Variants in CNTLN observed in about 807,000 individuals in gnomAD.
The protein encoded by CNTLN is centlein, centrosomal protein.
Under a neutral mutation model 180.0 loss-of-function variants are expected in CNTLN, and 212 were observed. That is an observed-to-expected ratio of 1.18 (90% CI 1.05 to 1.32). The LOEUF (loss-of-function observed/expected upper bound fraction) is 1.32. Among genes scored for constraint, CNTLN ranks in the 40% most tolerant of loss-of-function variants. The pLI is 0.00. For synonymous variants in CNTLN, 722 were observed against 563.1 expected (o/e 1.28, Z -3.99); for missense variants, 2,095 against 1,610.9 (o/e 1.30, Z -5.14).
At chr9:17,214,995 C>T (rs1412467487) in intron 2 of CNTLN, among the ~76,000 whole-genome samples, 4 of 152,128 alleles carry the variant, frequency 2.6e-5, no homozygotes, top group African/African-American at 4.8e-5. Flanking sequence ...GTGATGGGTT[C>T]GAACTTCCTC....
chr9:17,447,841 G>A (rs925565459), intron 18 of CNTLN: 5 of 152,988 alleles, frequency 3.3e-5, no homozygotes, highest in African/African-American at 1.2e-4. Context: ...GACAGCCCAG[G>A]TCTCGCCACA....
intron 12 of CNTLN, among the ~76,000 whole-genome samples, chr9:17,364,885 C>T (rs950061066): frequency 6.6e-6 from 1 of 152,104 alleles, no homozygotes; most frequent in African/African-American, 2.4e-5. Flanking sequence ...TTGATTTAGG[C>T]TTGGGATTCT....
chr9:17,155,330 A>C (rs1290673024), intron 2 of CNTLN, among the ~76,000 whole-genome samples: 1 of 152,238 alleles, frequency 6.6e-6, no homozygotes, highest in Non-Finnish European at 1.5e-5. Flanking sequence ...TTGAGGAGGC[A>C]GACTGACCCT....
At chr9:17,423,185 G>C (rs1234591932) in intron 18 of CNTLN, among the ~76,000 whole-genome samples, 1 of 152,194 alleles carries the variant, frequency 6.6e-6, no homozygotes, top group Admixed American at 6.5e-5. Context: ...TAGCAACATA[G>C]TGGTTATTGC....
At chr9:17,208,883 T>C (rs1823099906) in intron 2 of CNTLN, among the ~76,000 whole-genome samples, 1 of 152,120 alleles carries the variant, frequency 6.6e-6, no homozygotes, top group African/African-American at 2.4e-5. Flanking sequence ...GATTTGTCAA[T>C]GTTATGTATC....
At chr9:17,332,485 G>C (rs1320958846) in intron 9 of CNTLN, 120 bp from the exon 10 acceptor site, 2 of 624,722 alleles carry the variant, frequency 3.2e-6, no homozygotes, top group East Asian at 8.2e-5. Flanking sequence ...TTCCATGCAG[G>C]ATTTTTTTTT....
At position 17,415,961 on chromosome 9, in the gene CNTLN, T is replaced by A; in HGVS notation, c.2891-5T>A. On this transcript the variant is annotated splice_polypyrimidine_tract_variant and splice_region_variant and intron_variant, in intron 17 of 25. Transcript: ENST00000380647. ...TAAAATATGAACAATATTGTTTTTATGTAGTCAACAGAGAAAAGTACAAAA... is the reference window on the plus strand; with the variant it reads ...TAAAATATGAACAATATTGTTTTTAAGTAGTCAACAGAGAAAAGTACAAAA... The A allele has an allele frequency of 6.3e-7, 1 of 1,598,232 alleles. No individual in the cohort carries two copies. Among genetic ancestry groups the A allele is most frequent in the Non-Finnish European group, 8.5e-7 (1 of 1,172,312 alleles).
At chr9:17,228,234 A>G (rs1479926222) in intron 3 of CNTLN, among the ~76,000 whole-genome samples, 1 of 152,088 alleles carries the variant, frequency 6.6e-6, no homozygotes, top group Non-Finnish European at 1.5e-5. Context: ...AAATGAAAAT[A>G]TATTTTCCCC....
At chr9:17,290,981 T>C (rs605482) in intron 6 of CNTLN, among the ~76,000 whole-genome samples, 67,891 of 151,480 alleles carry the variant, frequency 0.45, 15,892 homozygotes, top group South Asian at 0.64. Flanking sequence ...GTGTCGCTCA[T>C]GCTGGGAGCT....
At chr9:17,509,438 A>G in the CNTLN span, among the ~76,000 whole-genome samples, 1 of 152,340 alleles carries the variant, frequency 6.6e-6, no homozygotes, top group East Asian at 1.9e-4. Context: ...ATCCACCACC[A>G]TGGCATTGCA....
rs757705978 is a variant in CNTLN, at chr9:17,484,260, T to C, written c.3856-35T>C. On this transcript the variant is annotated intron_variant, in intron 23 of 25. Coordinates refer to ENST00000380647, the MANE Select transcript of CNTLN (RefSeq NM_017738.4). ...TACTGCTTTGTCTTCATTATGACTT[T>C]AATATAAGCTCAATTTCTTTCCAAT... 1.6e-5 allele frequency: 24 copies of C among 1,515,982 alleles called. No individual in the cohort carries two copies. In the South Asian group the frequency reaches 3.0e-4, roughly 19 times the overall value. The allele number at this position is 1,515,982 out of a possible 1,614,324, so 93.9% of individuals were successfully genotyped here. A position where few individuals can be genotyped will look rare whatever the true frequency, so the allele number is the denominator to read the frequency against.
intron 25 of CNTLN, among the ~76,000 whole-genome samples, chr9:17,488,025 G>C (rs1250317654): frequency 6.6e-6 from 1 of 152,012 alleles, no homozygotes; most frequent in Non-Finnish European, 1.5e-5. Context: ...CCCAAAAATT[G>C]TCCTGTGATT....
intron 16 of CNTLN, among the ~76,000 whole-genome samples, chr9:17,412,760 G>A (rs571213045): frequency 1.6e-4 from 25 of 152,162 alleles, no homozygotes; most frequent in East Asian, 7.7e-4. Flanking sequence ...TTATCAGGAC[G>A]TAATAATGGA....
chr9:17,180,000 G>C (rs186711946), intron 2 of CNTLN, among the ~76,000 whole-genome samples: 71 of 151,878 alleles, frequency 4.7e-4, no homozygotes, highest in African/African-American at 1.3e-3. Context: ...TCTTTCTTTT[G>C]AAGAATGATT....
intron 25 of CNTLN, among the ~76,000 whole-genome samples, chr9:17,492,751 A>T (rs959532132): frequency 1.3e-5 from 2 of 152,168 alleles, no homozygotes; most frequent in Non-Finnish European, 2.9e-5. Context: ...CTCCAAAAGA[A>T]TTGGAAGCAG....
Position 17,135,149 on chromosome 9 carries a change from A to G in CNTLN, c.84A>G (p.Gly28=). The G allele has an allele frequency of 6.8e-6, 11 of 1,608,610 alleles. No individual in the cohort carries two copies. Among genetic ancestry groups the G allele is most frequent in the Non-Finnish European group, 9.3e-6 (11 of 1,178,360 alleles). Residue 28 remains glycine (G), a synonymous_variant, in exon 1 of 26, where the codon GGA becomes GGG. Coordinates refer to ENST00000380647, the MANE Select transcript of CNTLN (RefSeq NM_017738.4). ...LGPRSPRVGR[G]AEVHAMRSEA... ...CCAGGTCCCCACGTGTTGGGCGGGG[A>G]GCTGAAGTACACGCAATGCGCAGCG...
chr9:17,332,850 A>G, intron 10 of CNTLN, 120 bp downstream of exon 10: 1 of 588,834 alleles, frequency 1.7e-6, no homozygotes, highest in Non-Finnish European at 2.6e-6. Context: ...TTGCCTGTAT[A>G]AAAGTGTATA....
intron 13 of CNTLN, among the ~76,000 whole-genome samples, chr9:17,373,341 C>G (rs1587814228): frequency 6.6e-6 from 1 of 152,068 alleles, no homozygotes; most frequent in African/African-American, 2.4e-5. Flanking sequence ...AGCAAACAAT[C>G]TGAAAAAGAA....
At chr9:17,231,727 T>A (rs1476537806) in intron 3 of CNTLN, among the ~76,000 whole-genome samples, 1 of 152,128 alleles carries the variant, frequency 6.6e-6, no homozygotes, top group Non-Finnish European at 1.5e-5. Flanking sequence ...TCATGTCCAT[T>A]TTGAAAATAG....
Sources: gnomAD v4.1 joint callset for allele counts (sites outside exome capture counted in the v4.1 genomes callset) on GRCh38, gnomAD v4.1.1 for gene constraint, MANE v1.5 for transcripts, NCBI Gene and HGNC (gene_info 2026-07-23, HGNC 2026-07-21) for gene names.